Variants in SLC8A1 observed in about 807,000 individuals in gnomAD.
The protein encoded by SLC8A1 is solute carrier family 8 member A1, also known as sodium/calcium exchanger 1.
A neutral mutation model predicts 68.3 loss-of-function variants in SLC8A1; 18 were observed. The observed-to-expected ratio is 0.26, with a 90% CI of 0.18 to 0.39. The LOEUF (loss-of-function observed/expected upper bound fraction) is 0.39, where lower values mean the gene tolerates loss of function less well. Ranked by LOEUF, SLC8A1 falls within the 10% of genes least tolerant of loss-of-function variation. The pLI is 1.00. For synonymous variants in SLC8A1, 475 were observed against 415.5 expected (o/e 1.14, Z -1.74); for missense variants, 985 against 1,156.7 (o/e 0.85, Z 2.15).
intron 1 of SLC8A1, among the ~76,000 whole-genome samples, chr2:40,477,413 C>T (rs1269374873): frequency 1.3e-5 from 2 of 152,174 alleles, no homozygotes; most frequent in Admixed American, 6.5e-5. Context: ...CCACCTACTC[C>T]TTCTCCCAGC....
chr2:40,335,693 T>TG (rs1165791543), intron 2 of SLC8A1, among the ~76,000 whole-genome samples: 6 of 152,362 alleles, frequency 3.9e-5, no homozygotes, highest in Admixed American at 2.6e-4. Context: ...GGAACAGCCC[T>TG]TTGCTACAAA....
intron 2 of SLC8A1, among the ~76,000 whole-genome samples, chr2:40,348,521 T>A (rs1419141291): frequency 6.6e-6 from 1 of 152,202 alleles, no homozygotes; most frequent in Non-Finnish European, 1.5e-5. Flanking sequence ...AAGATAAATC[T>A]GCGCAAGAAA....
At chr2:40,330,704 T>A (rs981772666) in intron 2 of SLC8A1, among the ~76,000 whole-genome samples, 12 of 152,230 alleles carry the variant, frequency 7.9e-5, no homozygotes, top group African/African-American at 2.9e-4. Flanking sequence ...CTCTTCATTT[T>A]ACCAATTACC....
chr2:40,185,773 G>A (rs1433646989), intron 2 of SLC8A1, among the ~76,000 whole-genome samples: 1 of 152,108 alleles, frequency 6.6e-6, no homozygotes, highest in Non-Finnish European at 1.5e-5. Flanking sequence ...TCTTAATAAA[G>A]CTAGCATTTA....
At chr2:40,242,016 C>A (rs1413360980) in intron 2 of SLC8A1, among the ~76,000 whole-genome samples, 1 of 152,130 alleles carries the variant, frequency 6.6e-6, no homozygotes, top group Non-Finnish European at 1.5e-5. Flanking sequence ...TAGTTTGCTA[C>A]TAACTTCGGG....
chr2:40,395,649 A>G (rs1335285629), intron 2 of SLC8A1, among the ~76,000 whole-genome samples: 1 of 152,166 alleles, frequency 6.6e-6, no homozygotes, highest in Non-Finnish European at 1.5e-5. Flanking sequence ...AGGTAGTGGA[A>G]GAGAAAGAAA....
chr2:40,292,675 T>C (rs989712332), intron 2 of SLC8A1, among the ~76,000 whole-genome samples: 1 of 152,210 alleles, frequency 6.6e-6, no homozygotes, highest in Non-Finnish European at 1.5e-5. Flanking sequence ...TTCTGTCAAC[T>C]GACTTCAGAA....
chr2:40,255,911 T>C (rs1243431251), intron 2 of SLC8A1, among the ~76,000 whole-genome samples: 2 of 151,936 alleles, frequency 1.3e-5, no homozygotes, highest in Non-Finnish European at 2.9e-5. Flanking sequence ...TGGTGTTCTC[T>C]GGCACCATCC....
exon 5 of SLC8A1, chr2:40,164,936 C>T: frequency 6.2e-7 from 1 of 1,613,982 alleles, no homozygotes; most frequent in Non-Finnish European, 8.5e-7. Flanking sequence ...TGCAATGCGC[C>T]TCTCCTCTTC....
chr2:40,300,525 G>T (rs6544318), intron 2 of SLC8A1, among the ~76,000 whole-genome samples: 1 of 151,946 alleles, frequency 6.6e-6, no homozygotes, highest in African/African-American at 2.4e-5. Context: ...GTGCCTCAGC[G>T]TAAGTCTGAA....
chr2:40,375,862 C>T (rs555245715), intron 2 of SLC8A1, among the ~76,000 whole-genome samples: 57 of 152,066 alleles, frequency 3.7e-4, no homozygotes, highest in African/African-American at 1.1e-3. Context: ...ATTAGCTGGG[C>T]GCAGTGGTGC....
At chr2:40,197,979 C>T (rs1421696766) in intron 2 of SLC8A1, among the ~76,000 whole-genome samples, 2 of 151,814 alleles carry the variant, frequency 1.3e-5, no homozygotes, top group East Asian at 3.9e-4. Flanking sequence ...TCTGGCAGCT[C>T]CCTATAGCGA....
upstream of SLC8A1, among the ~76,000 whole-genome samples, chr2:40,455,930 G>C (rs909033675): frequency 6.7e-6 from 1 of 149,912 alleles, no homozygotes; most frequent in Admixed American, 6.7e-5. Context: ...CATTACCGTG[G>C]GGTCAACCAC....
chr2:40,230,783 CAG>C (rs1369737316), intron 2 of SLC8A1, among the ~76,000 whole-genome samples: 1 of 152,138 alleles, frequency 6.6e-6, no homozygotes, highest in Non-Finnish European at 1.5e-5. Context: ...CTTTCATAAA[CAG>C]ATTACTATGA....
chr2:40,160,835 T>G lies in SLC8A1; in HGVS notation c.2091A>C (p.Thr697=), dbSNP rs2045548910. 3 of 1,613,120 alleles carry G rather than the reference T, an allele frequency of 1.9e-6. No homozygotes were observed. The Admixed American group carries it at 5.0e-5, about 27-fold the overall frequency. ...TAGTCCCAACCACAAGGGCCAGGTT[T>G]GTCTTCTTAATGAGTTTGTCCACAG... is the stretch of plus-strand genomic sequence containing the variant. Residue 697 remains threonine, a synonymous_variant, in exon 6 of 8, where the codon ACA becomes ACC. Transcript: ENST00000406785.
intron 4 of SLC8A1, among the ~76,000 whole-genome samples, chr2:40,167,511 G>C (rs1391867175): frequency 6.6e-6 from 1 of 152,146 alleles, no homozygotes; most frequent in Non-Finnish European, 1.5e-5. Flanking sequence ...AACCAAAGCA[G>C]TATGGGAATG....
chr2:40,497,702 G>A (rs1416817651), intron 1 of SLC8A1, among the ~76,000 whole-genome samples: 1 of 151,996 alleles, frequency 6.6e-6, no homozygotes, highest in Non-Finnish European at 1.5e-5. Context: ...GTGCTTATGG[G>A]GAGACAGTGA....
At chr2:40,463,932 T>A (rs563958996) in intron 1 of SLC8A1, among the ~76,000 whole-genome samples, 9 of 151,942 alleles carry the variant, frequency 5.9e-5, no homozygotes, top group Middle Eastern at 3.4e-3. Flanking sequence ...TCTCGCTCTG[T>A]TTCCCAGGCT....
chr2:40,160,611 T>G (rs2045500310), intron 6 of SLC8A1, among the ~76,000 whole-genome samples, 154 bp downstream of exon 9: 1 of 152,226 alleles, frequency 6.6e-6, no homozygotes, highest in Non-Finnish European at 1.5e-5. Context: ...ATTTAGTCTT[T>G]AAAATGTGCA....
Sources: gnomAD v4.1 joint callset for allele counts (sites outside exome capture counted in the v4.1 genomes callset) on GRCh38, gnomAD v4.1.1 for gene constraint, MANE v1.5 for transcripts, NCBI Gene and HGNC (gene_info 2026-07-23, HGNC 2026-07-21) for gene names.